Variants in IQSEC2 observed in about 807,000 individuals in gnomAD.
The protein encoded by IQSEC2 is IQ motif and SEC7 domain-containing protein 2.
In IQSEC2, 6 loss-of-function variants were observed where a neutral mutation model predicts 74.6. The observed-to-expected ratio is 0.08, with a 90% CI of 0.04 to 0.16. The LOEUF is 0.16. IQSEC2 is among the 10% of genes least tolerant of loss of function. The probability of loss-of-function intolerance (pLI) is 1.00; values close to 1 mark genes in which losing one functional copy is unlikely to be tolerated. For missense variants in IQSEC2, 734 were observed against 1,306.2 expected, an observed-to-expected ratio of 0.56 and a Z score of 6.75; for synonymous variants, 494 against 544.5, an observed-to-expected ratio of 0.91 and a Z score of 1.29.
At chrX:53,226,977 C>T (rs1245062246), downstream of IQSEC2, 1 of 110,778 alleles carries the variant, frequency 9.0e-6, no homozygotes, top group African/African-American at 3.4e-5. Context: ...GTGTCAGACA[C>T]TGTGCTAGTG....
At chrX:53,278,003 C>CTTTTTTTTTTTTTTTTTTTTTTTTT (rs36027805) in intron 2 of IQSEC2, among the ~76,000 whole-genome samples, 4 of 37,572 alleles carry the variant, frequency 1.1e-4, no homozygotes, top group Admixed American at 5.1e-4. Context: ...TTTTCTTTTT[C>CTTTTTTTTTTTTTTTTTTTTTTTTT]TTTTTTTTTT....
At chrX:53,261,230 C>T (rs1268014083) in intron 2 of IQSEC2, among the ~76,000 whole-genome samples, 1 of 111,426 alleles carries the variant, frequency 9.0e-6, no homozygotes, top group Non-Finnish European at 1.9e-5. Context: ...CTCTCGCACA[C>T]ATACACACAC....
intron 2 of IQSEC2, chrX:53,279,052 A>G (rs1215272449): frequency 9.0e-6 from 1 of 111,320 alleles, no homozygotes; most frequent in Non-Finnish European, 1.9e-5. Context: ...GTAGTGGCGC[A>G]TGCCTGTTAT....
At chrX:53,297,704 G>T (rs1306543006) in intron 1 of IQSEC2, among the ~76,000 whole-genome samples, 1 of 111,518 alleles carries the variant, frequency 9.0e-6, no homozygotes, top group African/African-American at 3.3e-5. Flanking sequence ...TGTCAGAAGC[G>T]CAATTCTCCT....
intron 2 of IQSEC2, among the ~76,000 whole-genome samples, chrX:53,266,058 G>C (rs941295612): frequency 8.9e-6 from 1 of 112,166 alleles, no homozygotes; most frequent in Non-Finnish European, 1.9e-5. Flanking sequence ...AAATGTCACA[G>C]CTGGAAGAGT....
intron 1 of IQSEC2, among the ~76,000 whole-genome samples, chrX:53,311,572 G>A (rs2146513142): frequency 9.0e-6 from 1 of 111,140 alleles, no homozygotes; most frequent in African/African-American, 3.3e-5. Flanking sequence ...TCCAAAACGT[G>A]GCTCTTGACA....
At chrX:53,232,731 C>T (rs1280923320), downstream of IQSEC2, 8 of 111,639 alleles carry the variant, frequency 7.2e-5, no homozygotes, top group Non-Finnish European at 1.1e-4. Context: ...ACCTCCCTCA[C>T]TCCCACCTCC....
At chrX:53,248,697 C>T in intron 6 of IQSEC2, 24 bp downstream of exon 6, 1 of 1,205,778 alleles carries the variant, frequency 8.3e-7, no homozygotes, top group East Asian at 3.0e-5. Flanking sequence ...CCTGGCCCAG[C>T]CTGCCCCATC....
chrX:53,308,983 G>A (rs1283092574), intron 1 of IQSEC2, among the ~76,000 whole-genome samples: 1 of 108,298 alleles, frequency 9.2e-6, no homozygotes, highest in African/African-American at 3.4e-5. Context: ...ATGCACCTGT[G>A]GTCCTAACTA....
At chrX:53,303,966 T>C (rs1217811019) in intron 1 of IQSEC2, among the ~76,000 whole-genome samples, 1 of 109,760 alleles carries the variant, frequency 9.1e-6, no homozygotes, top group African/African-American at 3.3e-5. Context: ...CCGTCTCTAC[T>C]AAAAATACAA....
At chrX:53,273,312 C>T (rs1184142207) in intron 2 of IQSEC2, among the ~76,000 whole-genome samples, 1 of 110,253 alleles carries the variant, frequency 9.1e-6, no homozygotes, top group Non-Finnish European at 1.9e-5. Flanking sequence ...ACTTCTGTCC[C>T]ATCCCAAATC....
At chrX:53,238,716 C>T (rs2074173374) in intron 11 of IQSEC2, among the ~76,000 whole-genome samples, 1 of 107,985 alleles carries the variant, frequency 9.3e-6, no homozygotes, top group Non-Finnish European at 1.9e-5. Context: ...CTGATCATGC[C>T]TCTTCTCTGC....
At chrX:53,246,946 G>A (rs1556862163) in intron 8 of IQSEC2, 23 bp downstream of exon 8, 2 of 1,202,997 alleles carry the variant, frequency 1.7e-6, no homozygotes, top group Admixed American at 4.4e-5. Context: ...GTGAAGGGCA[G>A]GAAAAGCTGA....
At chrX:53,316,831 CAAAAAAA>C (rs376964568) in intron 1 of IQSEC2, among the ~76,000 whole-genome samples, 1,607 of 73,184 alleles carry the variant, frequency 0.022, 10 homozygotes, top group African/African-American at 0.049. Flanking sequence ...AAACCAAAAC[CAAAAAAA>C]AAAAAAAAAG....
chrX:53,234,311 C>T lies in IQSEC2; in HGVS notation c.4375G>A (p.Gly1459Ser). 1 of 636,378 alleles carries T rather than the reference C, an allele frequency of 1.6e-6. No homozygotes were observed. The highest frequency in any genetic ancestry group is 2.2e-6 in the Non-Finnish European group (1 of 464,697). 52.4% of individuals were successfully genotyped at this position (636,378 alleles called of 1,213,427 possible). A position where few individuals can be genotyped will look rare whatever the true frequency, so the allele number is the denominator to read the frequency against. Residue 1459 changes from glycine (G) to serine (S), a missense_variant, in exon 15 of 15, where the codon GGC becomes AGC. Coordinates refer to ENST00000642864, the MANE Select transcript of IQSEC2 (RefSeq NM_001111125.3). Reference sequence around the variant, plus strand: ...GGGGGCCCAGAGGCGTGCAGCGGGCCATGGGGGGAGGTGGGTGGAAGGGGT... The same window carrying T: ...GGGGGCCCAGAGGCGTGCAGCGGGCTATGGGGGGAGGTGGGTGGAAGGGGT... Reference protein sequence around the residue: ...HSPLPPTSPHGPLHASGPPGT... With the variant: ...HSPLPPTSPHSPLHASGPPGT...
At chrX:53,242,199 C>T (rs782106601) in intron 9 of IQSEC2, among the ~76,000 whole-genome samples, 9 of 110,276 alleles carry the variant, frequency 8.2e-5, no homozygotes, top group Non-Finnish European at 1.1e-4. Flanking sequence ...TTTGGGAGGC[C>T]GAGGCGAGCG....
chrX:53,248,636 A>T, intron 6 of IQSEC2, 85 bp downstream of exon 6: 1 of 1,034,130 alleles, frequency 9.7e-7, no homozygotes, highest in Non-Finnish European at 1.3e-6. Context: ...TATCTGAGCT[A>T]AAGGGACAGG....
At chrX:53,227,780 G>A (rs1305686261), downstream of IQSEC2, 1 of 207,319 alleles carries the variant, frequency 4.8e-6, no homozygotes, top group Non-Finnish European at 8.8e-6. Context: ...CATGAATCAG[G>A]AATCAGGAGG....
chrX:53,308,078 C>T (rs1416394115), intron 1 of IQSEC2, among the ~76,000 whole-genome samples: 4 of 99,652 alleles, frequency 4.0e-5, no homozygotes, highest in Admixed American at 1.2e-4. Context: ...ATGGGAGAAT[C>T]GCTTGAACCC....
Sources: gnomAD v4.1 joint callset for allele counts (sites outside exome capture counted in the v4.1 genomes callset) on GRCh38, gnomAD v4.1.1 for gene constraint, MANE v1.5 for transcripts, NCBI Gene and HGNC (gene_info 2026-07-23, HGNC 2026-07-21) for gene names.